The following CDH8 variants were observed in gnomAD, a reference collection of about 807,000 sequenced individuals.
CDH8 encodes cadherin-8.
A neutral mutation model predicts 68.1 loss-of-function variants in CDH8; 17 were observed. That is an observed-to-expected ratio of 0.25 (90% confidence interval 0.17 to 0.37). The LOEUF (loss-of-function observed/expected upper bound fraction) is 0.37. Ranked by LOEUF, CDH8 falls within the 10% of genes least tolerant of loss-of-function variation. The pLI, the probability that CDH8 is intolerant of heterozygous loss-of-function variation, is 1.00. For synonymous variants in CDH8, 372 were observed against 365.1 expected (o/e 1.02, Z -0.21); for missense variants, 763 against 999.3 (o/e 0.76, Z 3.19).
At position 61,650,474 on chromosome 16, in the gene CDH8, C is replaced by A. The variant is rs1963295623; in HGVS notation, c.*3134G>T. 2 of 152,096 alleles carry A rather than the reference C, an allele frequency of 1.3e-5. No individual in the cohort carries two copies. The highest frequency in any genetic ancestry group is 2.9e-5 in the Non-Finnish European group (2 of 67,990). 9.4% of individuals were successfully genotyped at this position (152,096 alleles called of 1,614,324 possible). On this transcript the variant is annotated 3_prime_UTR_variant, in exon 12 of 12. Transcript: ENST00000577390. ...GCTATGTCAATGTTGATGAAACAGACAACAATGCACATAGCTTTAAAAATA... is the reference window on the plus strand; with the variant it reads ...GCTATGTCAATGTTGATGAAACAGAAAACAATGCACATAGCTTTAAAAATA...
intron 10 of CDH8, among the ~76,000 whole-genome samples, chr16:61,709,115 G>A (rs1283360885): frequency 6.6e-6 from 1 of 152,034 alleles, no homozygotes; most frequent in Non-Finnish European, 1.5e-5. Context: ...GGGTATGGAT[G>A]TTTTTATAAA....
intron 2 of CDH8, among the ~76,000 whole-genome samples, chr16:62,000,283 G>C (rs187721762): frequency 6.6e-6 from 1 of 152,194 alleles, no homozygotes; most frequent in East Asian, 1.9e-4. Context: ...TTTCTTTATA[G>C]TAGAATGATT....
chr16:61,765,658 G>A (rs1481464841), intron 8 of CDH8, among the ~76,000 whole-genome samples: 1 of 151,942 alleles, frequency 6.6e-6, no homozygotes, highest in South Asian at 2.1e-4. Context: ...TAACTTTATT[G>A]TTTTAAAATA....
At chr16:61,698,209 T>C (rs976648008) in intron 10 of CDH8, among the ~76,000 whole-genome samples, 11 of 152,322 alleles carry the variant, frequency 7.2e-5, no homozygotes, top group Non-Finnish European at 1.3e-4. Flanking sequence ...CGTATAATTA[T>C]TTGTGTTTTT....
rs1463549247 is a variant in CDH8 at position 61,647,280 on chromosome 16, AT to A, written c.*6327del. ...AGCTCTTTCTTAAAGTTTATTTGCA[AT>A]ATCATTATGTATAAATAATTATTAT... On this transcript the variant is annotated 3_prime_UTR_variant, in exon 12 of 12. Transcript: ENST00000577390. The A allele has an allele frequency of 2.0e-5, 3 of 151,856 alleles. No homozygotes were observed. Among genetic ancestry groups the A allele is most frequent in the Non-Finnish European group, 4.4e-5 (3 of 67,968 alleles). 9.4% of individuals were successfully genotyped at this position (151,856 alleles called of 1,614,324 possible).
chr16:61,811,121 AAGAC>A (rs1449442016), intron 7 of CDH8, among the ~76,000 whole-genome samples: 1 of 152,106 alleles, frequency 6.6e-6, no homozygotes, highest in Non-Finnish European at 1.5e-5. Context: ...TAGGCTCACA[AAGAC>A]AGATATTGTG....
intron 2 of CDH8, among the ~76,000 whole-genome samples, chr16:61,965,217 C>T (rs1965226273): frequency 6.6e-6 from 1 of 152,174 alleles, no homozygotes; most frequent in Non-Finnish European, 1.5e-5. Context: ...TTTCATCTAA[C>T]ATAGACTTCC....
chr16:61,662,632 GA>G (rs1004248831), intron 10 of CDH8, among the ~76,000 whole-genome samples: 2 of 151,490 alleles, frequency 1.3e-5, no homozygotes, highest in Non-Finnish European at 1.5e-5. Flanking sequence ...AAAAAATAAA[GA>G]ATAACAATAT....
chr16:61,961,469 C>T (rs1426575548), intron 2 of CDH8, among the ~76,000 whole-genome samples: 1 of 152,166 alleles, frequency 6.6e-6, no homozygotes, highest in African/African-American at 2.4e-5. Flanking sequence ...TCTTTTCTGT[C>T]TCCCACACTG....
At chr16:61,720,763 A>G (rs1247685951) in intron 9 of CDH8, among the ~76,000 whole-genome samples, 1 of 150,898 alleles carries the variant, frequency 6.6e-6, no homozygotes, top group African/African-American at 2.4e-5. Context: ...TTATTCCAAT[A>G]TTAGAGCAAT....
intron 2 of CDH8, among the ~76,000 whole-genome samples, chr16:62,007,197 C>T (rs1965989828): frequency 6.6e-6 from 1 of 152,230 alleles, no homozygotes; most frequent in African/African-American, 2.4e-5. Flanking sequence ...CAAGCCACCA[C>T]ACCCGGCCCC....
At chr16:61,793,005 A>G (rs182446172) in intron 7 of CDH8, among the ~76,000 whole-genome samples, 17 of 152,060 alleles carry the variant, frequency 1.1e-4, no homozygotes, top group African/African-American at 4.1e-4. Context: ...CTAACTCCCA[A>G]GGTGATCGTA....
intron 8 of CDH8, among the ~76,000 whole-genome samples, chr16:61,733,529 C>G (rs1357379781): frequency 6.6e-6 from 1 of 151,802 alleles, no homozygotes; most frequent in East Asian, 1.9e-4. Flanking sequence ...TTAAAGGAAA[C>G]TATCAAATAA....
intron 2 of CDH8, among the ~76,000 whole-genome samples, chr16:61,951,885 A>G (rs1036131107): frequency 6.6e-6 from 1 of 152,242 alleles, no homozygotes; most frequent in Non-Finnish European, 1.5e-5. Context: ...AAATTTAATA[A>G]TGAAATCAAT....
intron 3 of CDH8, among the ~76,000 whole-genome samples, chr16:61,886,194 T>C (rs1963669632): frequency 6.6e-6 from 1 of 152,222 alleles, no homozygotes. Context: ...AGATATCTAC[T>C]ACCTAGTTCT....
At chr16:61,838,728 A>G (rs909350807) in intron 4 of CDH8, among the ~76,000 whole-genome samples, 1 of 152,166 alleles carries the variant, frequency 6.6e-6, no homozygotes, top group African/African-American at 2.4e-5. Flanking sequence ...ATATGTGCAT[A>G]TAAGTTCAAC....
intron 2 of CDH8, among the ~76,000 whole-genome samples, chr16:61,971,135 A>G (rs1339484876): frequency 6.6e-6 from 1 of 152,162 alleles, no homozygotes; most frequent in Non-Finnish European, 1.5e-5. Context: ...GCCTATCCCA[A>G]AACTTATAAG....
chr16:61,995,657 G>A (rs763072535), intron 2 of CDH8, among the ~76,000 whole-genome samples: 28 of 152,172 alleles, frequency 1.8e-4, no homozygotes, highest in Admixed American at 1.7e-3. Flanking sequence ...GATTACAGGC[G>A]TGAGCCATGG....
intron 2 of CDH8, among the ~76,000 whole-genome samples, chr16:61,924,732 C>A (rs576757864): frequency 6.6e-6 from 1 of 152,050 alleles, no homozygotes; most frequent in African/African-American, 2.4e-5. Context: ...TCCACGTAGT[C>A]ATCTTTAGTT....
Sources: allele counts gnomAD v4.1 joint callset (sites outside exome capture counted in the v4.1 genomes callset), GRCh38; gene constraint gnomAD v4.1.1; transcripts MANE v1.5; gene names NCBI Gene and HGNC (gene_info 2026-07-23, HGNC 2026-07-21).